The following SFSWAP variants were observed in gnomAD, a reference collection of about 807,000 sequenced individuals.
SFSWAP encodes the protein splicing factor SWAP, also known as splicing factor, suppressor of white-apricot homolog.
In SFSWAP, 17 loss-of-function variants were observed where a neutral mutation model predicts 100.7. The observed-to-expected ratio is 0.17, with a 90% CI of 0.12 to 0.25. SFSWAP has a LOEUF of 0.25. Ranked by LOEUF, SFSWAP falls within the 10% of genes least tolerant of loss-of-function variation. The probability of loss-of-function intolerance (pLI) is 1.00; values close to 1 mark genes in which losing one functional copy is unlikely to be tolerated. For missense variants in SFSWAP, 1,005 were observed against 1,262.6 expected, an observed-to-expected ratio of 0.80 and a Z score of 3.09; for synonymous variants, 504 against 510.1, an observed-to-expected ratio of 0.99 and a Z score of 0.16.
At chr12:131,752,898 T>A (rs958401278) in intron 7 of SFSWAP, among the ~76,000 whole-genome samples, 9 of 152,246 alleles carry the variant, frequency 5.9e-5, no homozygotes, top group African/African-American at 2.2e-4. Context: ...TGCCATTCGC[T>A]TTCCATCTGT....
rs929748969 is a variant in SFSWAP, at chr12:131,746,961, G to A, written c.1082-6162G>A. Among the ~76,000 whole-genome samples, 15 of 152,224 alleles carry A rather than the reference G, an allele frequency of 9.9e-5. No homozygotes were observed. The East Asian group carries it at 1.9e-3, about 20-fold the overall frequency. Reference sequence around the variant, plus strand: ...CTACTAAAAATACAAAAAATTAGCCGGGTGTGGTGGCGGGTGCCTGTAGTC... The same window carrying A: ...CTACTAAAAATACAAAAAATTAGCCAGGTGTGGTGGCGGGTGCCTGTAGTC... On this transcript the variant is annotated intron_variant, in intron 7 of 17. Transcript: ENST00000261674.
In SFSWAP at chr12:131,719,513, T is replaced by C. The variant is rs1566002955; in HGVS notation, c.580T>C (p.Leu194=). The C allele has an allele frequency of 1.9e-6, 3 of 1,614,044 alleles. No homozygotes were observed. The highest frequency in any genetic ancestry group is 2.5e-6 in the Non-Finnish European group (3 of 1,179,960). The part of the protein sequence containing the change: ...NEEPFVAPLG[L]SVPSDVELPP... ...AGAGCCCTTCGTTGCCCCCTTAGGA[T>C]TGAGCGTCCCGTCTGACGTGGAGTT... Residue 194 remains leucine (L), a synonymous_variant, in exon 4 of 18, where the codon TTG becomes CTG. Coordinates refer to ENST00000261674, the MANE Select transcript of SFSWAP (RefSeq NM_004592.4).
At chr12:131,741,845 C>T (rs1330961419) in intron 7 of SFSWAP, among the ~76,000 whole-genome samples, 1 of 152,190 alleles carries the variant, frequency 6.6e-6, no homozygotes, top group Non-Finnish European at 1.5e-5. Flanking sequence ...TCACATGCTC[C>T]TGTAGCCTGA....
chr12:131,762,759 C>T (rs1349632046), intron 11 of SFSWAP, among the ~76,000 whole-genome samples: 2 of 152,170 alleles, frequency 1.3e-5, no homozygotes, highest in African/African-American at 4.8e-5. Context: ...CGCCACCACA[C>T]CCAGCTAATT....
rs114783653 is a variant in SFSWAP at position 131,748,914 on chromosome 12, A to T, written c.1082-4209A>T. Among the ~76,000 whole-genome samples the T allele has an allele frequency of 2.1e-3, 324 of 152,360 alleles. 3 individuals are homozygous for T. The highest frequency in any genetic ancestry group is 7.3e-3 in the African/African-American group (302 of 41,580). ...GTAACATTACGTCAGCATTTAACTT[A>T]GTTTAAAACGTAGTCCCCTTTGGGA... is the stretch of plus-strand genomic sequence containing the variant. On this transcript the variant is annotated intron_variant, in intron 7 of 17. Transcript: ENST00000261674.
At chr12:131,775,363 C>T (rs143521388) in intron 13 of SFSWAP, among the ~76,000 whole-genome samples, 95 of 152,326 alleles carry the variant, frequency 6.2e-4, no homozygotes, top group African/African-American at 2.2e-3. Flanking sequence ...TCTGACTTCC[C>T]GAACACTCAC....
intron 13 of SFSWAP, among the ~76,000 whole-genome samples, chr12:131,777,752 C>T (rs1335491723): frequency 2.0e-5 from 3 of 152,278 alleles, no homozygotes; most frequent in African/African-American, 4.8e-5. Flanking sequence ...TAAAAAGGAA[C>T]GTATTTTTTC....
At chr12:131,791,194 A>T (rs1314275811) in intron 15 of SFSWAP, among the ~76,000 whole-genome samples, 1 of 151,978 alleles carries the variant, frequency 6.6e-6, no homozygotes, top group African/African-American at 2.4e-5. Context: ...GGAGTTCAAG[A>T]CCAGCCTGGC....
intron 7 of SFSWAP, among the ~76,000 whole-genome samples, chr12:131,740,084 G>A (rs1167319633): frequency 1.3e-5 from 2 of 152,160 alleles, no homozygotes; most frequent in Non-Finnish European, 2.9e-5. Flanking sequence ...GGGCCTCTCA[G>A]ATCTCTGGGA....
At chr12:131,738,702 A>G (rs1193355400) in intron 7 of SFSWAP, among the ~76,000 whole-genome samples, 1 of 152,052 alleles carries the variant, frequency 6.6e-6, no homozygotes, top group Non-Finnish European at 1.5e-5. Flanking sequence ...TTTTCTTTGC[A>G]TTTAATATAT....
chr12:131,784,010 C>T (rs1032980722), intron 14 of SFSWAP: 3 of 151,526 alleles, frequency 2.0e-5, no homozygotes, highest in Admixed American at 6.6e-5. Flanking sequence ...ATAGCAAATC[C>T]GTAAAAGCGA....
chr12:131,722,100 A>AG (rs1479037056), intron 4 of SFSWAP, among the ~76,000 whole-genome samples: 5 of 152,228 alleles, frequency 3.3e-5, no homozygotes, highest in Admixed American at 2.0e-4. Context: ...TTGCTGCTTA[A>AG]GGGGGCAGGA....
chr12:131,739,113 A>C (rs1019395439), intron 7 of SFSWAP, among the ~76,000 whole-genome samples: 1 of 151,982 alleles, frequency 6.6e-6, no homozygotes. Context: ...CCTGGGCTCA[A>C]GTGATCCACC....
chr12:131,720,876 T>C (rs916531932), intron 4 of SFSWAP, among the ~76,000 whole-genome samples: 1 of 152,208 alleles, frequency 6.6e-6, no homozygotes, highest in African/African-American at 2.4e-5. Context: ...TTACTACTTG[T>C]ATTGGTCTGT....
chr12:131,756,378 G>C, intron 10 of SFSWAP, 95 bp from the exon 11 acceptor site: 1 of 1,079,038 alleles, frequency 9.3e-7, no homozygotes. Context: ...TACAATTGCC[G>C]TTGTCCAGTG....
At chr12:131,754,921 C>T (rs537817378) in intron 9 of SFSWAP, among the ~76,000 whole-genome samples, 1 of 152,172 alleles carries the variant, frequency 6.6e-6, no homozygotes, top group Non-Finnish European at 1.5e-5. Flanking sequence ...ATGTGAGCCA[C>T]CACGCCCAAC....
At position 131,711,292 on chromosome 12, in the gene SFSWAP, C is replaced by T. The variant is rs753163785; in HGVS notation, c.63C>T (p.Ala21=). Residue 21 remains alanine, a synonymous_variant, in exon 1 of 18, where the codon GCC becomes GCT. Transcript: ENST00000261674. This position sits in a 1 kb window ranked among gnomAD's most constrained non-coding sequence, Gnocchi z 4.9. ...PERKSGAKEE[A]GPGGAGGGGS... ...GGAAAAGCGGCGCGAAGGAGGAGGCCGGGCCAGGCGGTGCCGGCGGTGGGG... is the reference window on the plus strand; with the variant it reads ...GGAAAAGCGGCGCGAAGGAGGAGGCTGGGCCAGGCGGTGCCGGCGGTGGGG... 2.5e-6 allele frequency: 4 copies of T among 1,613,052 alleles called. No homozygotes were observed. Among genetic ancestry groups the T allele is most frequent in the East Asian group, 2.2e-5 (1 of 44,870 alleles).
chr12:131,797,150 ATC>A, intron 15 of SFSWAP, 26 bp from the exon 16 acceptor site: 1 of 1,593,732 alleles, frequency 6.3e-7, no homozygotes, highest in Non-Finnish European at 8.5e-7. Flanking sequence ...CCAAAGCTGC[ATC>A]TCTCACAGAA....
intron 11 of SFSWAP, 82 bp downstream of exon 11, chr12:131,756,726 C>T (rs117367891): frequency 4.3e-4 from 547 of 1,266,844 alleles, no homozygotes; most frequent in Non-Finnish European, 5.5e-4. Context: ...TCAGACTCAG[C>T]GCCCTCACCT....
Sources: gnomAD v4.1 joint callset for allele counts (sites outside exome capture counted in the v4.1 genomes callset) on GRCh38, gnomAD v4.1.1 for gene constraint, Gnocchi (gnomAD v3.1) non-coding constraint, MANE v1.5 for transcripts, NCBI Gene and HGNC (gene_info 2026-07-23, HGNC 2026-07-21) for gene names.